Variants in BCKDHB observed in about 807,000 individuals in gnomAD.
BCKDHB encodes branched chain keto acid dehydrogenase E1 subunit beta.
BCKDHB carries 41 observed loss-of-function variants against 48.5 expected under a neutral mutation model. The observed-to-expected ratio is 0.85, with a 90% CI of 0.66 to 1.10. The LOEUF (loss-of-function observed/expected upper bound fraction) is 1.10. Ranked by LOEUF, BCKDHB falls within the 50% of genes least tolerant of loss-of-function variation. The pLI, the probability that BCKDHB is intolerant of heterozygous loss-of-function variation, is 0.00. For missense variants in BCKDHB, 496 were observed against 494.2 expected (o/e 1.00, Z -0.03); for synonymous variants, 201 against 174.8 (o/e 1.15, Z -1.18).
At chr6:80,284,820 C>G (rs1766549168) in intron 9 of BCKDHB, among the ~76,000 whole-genome samples, 2 of 152,108 alleles carry the variant, frequency 1.3e-5, no homozygotes, top group Non-Finnish European at 2.9e-5. Context: ...AGTTTGCTCT[C>G]TTAATTGTAA....
At chr6:80,138,191 C>G (rs537088538) in intron 3 of BCKDHB, among the ~76,000 whole-genome samples, 1 of 152,022 alleles carries the variant, frequency 6.6e-6, no homozygotes, top group East Asian at 1.9e-4. Flanking sequence ...CTAGGGCTCA[C>G]GCTTCCTAAA....
chr6:80,446,755 T>G, the BCKDHB span, among the ~76,000 whole-genome samples: 1 of 135,856 alleles, frequency 7.4e-6, no homozygotes, highest in Admixed American at 9.0e-5. Context: ...GTCAGGAGCA[T>G]TCTCTCTTAC....
In BCKDHB at chr6:80,282,697, A is replaced by T. The variant is rs148173913; in HGVS notation, c.1038+9476A>T. ...AATGTTGTGAAAAGAAAAAAGAAAA[A>T]AACTTTATATATACATACATCTAGG... On this transcript the variant is annotated intron_variant, in intron 9 of 9. Transcript: ENST00000320393. Among the ~76,000 whole-genome samples the T allele has an allele frequency of 9.3e-3, 1,414 of 152,154 alleles. 28 individuals carry two copies. The highest frequency in any genetic ancestry group is 0.032 in the African/African-American group (1,345 of 41,564).
At chr6:80,414,887 G>T in the BCKDHB span, among the ~76,000 whole-genome samples, 3 of 152,112 alleles carry the variant, frequency 2.0e-5, no homozygotes, top group African/African-American at 4.8e-5. Context: ...CTATTCGGGA[G>T]CATGGAATGT....
the BCKDHB span, among the ~76,000 whole-genome samples, chr6:80,421,871 C>T: frequency 6.6e-6 from 1 of 152,144 alleles, no homozygotes; most frequent in African/African-American, 2.4e-5. Flanking sequence ...TAAAGGAAAA[C>T]AGAACATAAA....
At chr6:80,146,968 G>T (rs986167930) in intron 3 of BCKDHB, among the ~76,000 whole-genome samples, 1 of 151,972 alleles carries the variant, frequency 6.6e-6, no homozygotes, top group African/African-American at 2.4e-5. Flanking sequence ...TAAATACTGG[G>T]GGACAATTAG....
At chr6:80,228,137 G>A (rs1775759555) in intron 8 of BCKDHB, among the ~76,000 whole-genome samples, 1 of 152,164 alleles carries the variant, frequency 6.6e-6, no homozygotes. Context: ...GAAAATTTGG[G>A]AAATGCCTGG....
chr6:80,203,347 G>A (rs1774488642), intron 8 of BCKDHB, 135 bp downstream of exon 8: 1 of 697,400 alleles, frequency 1.4e-6, no homozygotes, highest in African/African-American at 1.8e-5. Flanking sequence ...TAAATTTGCA[G>A]CATGAAAGAA....
chr6:80,415,789 A>G, the BCKDHB span, among the ~76,000 whole-genome samples: 10 of 152,076 alleles, frequency 6.6e-5, no homozygotes, highest in Non-Finnish European at 1.2e-4. Context: ...ACCTCATAGA[A>G]TGAGTTGGGT....
the BCKDHB span, among the ~76,000 whole-genome samples, chr6:80,396,035 C>G: frequency 6.6e-6 from 1 of 152,178 alleles, no homozygotes; most frequent in South Asian, 2.1e-4. Context: ...GATGTCCAGG[C>G]AGAAGTTTGC....
intron 9 of BCKDHB, among the ~76,000 whole-genome samples, chr6:80,315,058 A>T (rs1768368148): frequency 1.3e-5 from 2 of 152,140 alleles, no homozygotes; most frequent in South Asian, 4.1e-4. Flanking sequence ...GCTGCCTGGA[A>T]TTCCAAGCCA....
chr6:80,355,542 T>G, the BCKDHB span: 1 of 152,184 alleles, frequency 6.6e-6, no homozygotes, highest in Non-Finnish European at 1.5e-5. Flanking sequence ...TAAAAGTCTA[T>G]GTACCCTCCC....
chr6:80,251,923 A>C (rs1776854931), intron 8 of BCKDHB: 1 of 152,208 alleles, frequency 6.6e-6, no homozygotes, highest in African/African-American at 2.4e-5. Flanking sequence ...CATACATTTA[A>C]AAACTAATAT....
the BCKDHB span, among the ~76,000 whole-genome samples, chr6:80,357,234 C>T: frequency 1.3e-5 from 2 of 152,090 alleles, no homozygotes; most frequent in African/African-American, 4.8e-5. Context: ...CATTACCATT[C>T]CCTTGCCTGA....
chr6:80,400,288 T>A, the BCKDHB span, among the ~76,000 whole-genome samples: 1 of 151,824 alleles, frequency 6.6e-6, no homozygotes, highest in Non-Finnish European at 1.5e-5. Context: ...ACAGACAACC[T>A]ATAGAATGGG....
intron 8 of BCKDHB, among the ~76,000 whole-genome samples, chr6:80,229,605 A>T (rs1775821708): frequency 1.3e-5 from 2 of 152,178 alleles, no homozygotes; most frequent in Non-Finnish European, 2.9e-5. Flanking sequence ...AGAAAATTGA[A>T]GAGTTGTTAT....
At chr6:80,323,843 G>C (rs1193438202) in intron 9 of BCKDHB, among the ~76,000 whole-genome samples, 1 of 152,106 alleles carries the variant, frequency 6.6e-6, no homozygotes, top group Non-Finnish European at 1.5e-5. Context: ...CGCCATCTTG[G>C]CTCACTGCAA....
chr6:80,399,247 G>T, the BCKDHB span, among the ~76,000 whole-genome samples: 1 of 151,374 alleles, frequency 6.6e-6, no homozygotes, highest in Non-Finnish European at 1.5e-5. Context: ...TAGAAGTCCT[G>T]ACCAGAGCAA....
downstream of BCKDHB, among the ~76,000 whole-genome samples, chr6:80,347,497 A>G (rs181585610): frequency 1.9e-4 from 29 of 152,326 alleles, no homozygotes; most frequent in Admixed American, 1.7e-3. Context: ...ACCTTGGCCT[A>G]CAGTGGGTTG....
Sources: allele counts gnomAD v4.1 joint callset (sites outside exome capture counted in the v4.1 genomes callset), GRCh38; gene constraint gnomAD v4.1.1; transcripts MANE v1.5; gene names NCBI Gene and HGNC (gene_info 2026-07-23, HGNC 2026-07-21).